Variants in ERBIN observed in about 807,000 individuals in gnomAD.
The protein encoded by ERBIN is erbb2 interacting protein.
A neutral mutation model predicts 158.4 loss-of-function variants in ERBIN; 60 were observed. The ratio of observed to expected loss-of-function variants is 0.38; its 90% CI spans 0.31 to 0.47. ERBIN has a LOEUF of 0.47. Ranked by LOEUF, ERBIN falls within the 20% of genes least tolerant of loss-of-function variation. ERBIN has a pLI of 0.99. For synonymous variants in ERBIN, 594 were observed against 557.2 expected (o/e 1.07, Z -0.93); for missense variants, 1,610 against 1,648.0 (o/e 0.98, Z 0.40).
intron 1 of ERBIN, among the ~76,000 whole-genome samples, chr5:65,956,852 G>A (rs2150941990): frequency 6.6e-6 from 1 of 152,230 alleles, no homozygotes; most frequent in South Asian, 2.1e-4. Flanking sequence ...TCCACTTGAA[G>A]ATGACATTGT....
At chr5:66,058,543 G>T (rs1759887108) in intron 21 of ERBIN, among the ~76,000 whole-genome samples, 1 of 151,114 alleles carries the variant, frequency 6.6e-6, no homozygotes, top group Non-Finnish European at 1.5e-5. Flanking sequence ...AGTTTAATTA[G>T]ATCCCATTTG....
intron 20 of ERBIN, among the ~76,000 whole-genome samples, chr5:66,053,135 T>C (rs565766968): frequency 6.6e-6 from 1 of 152,274 alleles, no homozygotes; most frequent in East Asian, 1.9e-4. Context: ...TTAAATTATT[T>C]TGTGACAAAT....
At position 65,926,704 on chromosome 5, in the gene ERBIN, C is replaced by G. The variant is rs1019954750; in HGVS notation, c.-160C>G. On this transcript the variant is annotated 5_prime_UTR_variant, in exon 1 of 26. Transcript: ENST00000284037. ...AGGCCAGTCCACATCCGCTCTCACC[C>G]GAGAGAGATATTCAGCTGGATCCAA... 1.3e-5 allele frequency: 2 copies of G among 152,032 alleles called. No homozygotes were observed. The highest frequency in any genetic ancestry group is 1.9e-4 in the East Asian group (1 of 5,158). 9.4% of individuals were successfully genotyped at this position (152,032 alleles called of 1,614,324 possible). A position where few individuals can be genotyped will look rare whatever the true frequency, so the allele number is the denominator to read the frequency against.
chr5:66,023,040 T>C, intron 8 of ERBIN: 1 of 325,618 alleles, frequency 3.1e-6, no homozygotes, highest in Non-Finnish European at 5.5e-6. Context: ...TTTTTTGTAA[T>C]CTACTGCTAT....
chr5:66,023,163 C>A, intron 8 of ERBIN, 127 bp from the exon 9 acceptor site: 1 of 685,842 alleles, frequency 1.5e-6, no homozygotes, highest in East Asian at 2.8e-5. Context: ...TTTTCCTTCT[C>A]CCTGCTCCTT....
chr5:65,991,466 A>G (rs1751861392), intron 2 of ERBIN, among the ~76,000 whole-genome samples: 1 of 152,200 alleles, frequency 6.6e-6, no homozygotes, highest in African/African-American at 2.4e-5. Flanking sequence ...AAGAATTGAT[A>G]ACACTAATTA....
intron 14 of ERBIN, among the ~76,000 whole-genome samples, chr5:66,036,342 A>G (rs1757394417): frequency 6.6e-6 from 1 of 152,078 alleles, no homozygotes; most frequent in Non-Finnish European, 1.5e-5. Context: ...TCTTTATGTC[A>G]TATGCCTCAA....
chr5:65,946,967 T>C (rs182757351), intron 1 of ERBIN, among the ~76,000 whole-genome samples: 2 of 152,176 alleles, frequency 1.3e-5, no homozygotes, highest in Non-Finnish European at 2.9e-5. Context: ...ATTTTTTTTT[T>C]GTAAGTATTG....
chr5:66,070,835 AT>A (rs1253327975), intron 21 of ERBIN, among the ~76,000 whole-genome samples: 1 of 152,190 alleles, frequency 6.6e-6, no homozygotes, highest in Non-Finnish European at 1.5e-5. Flanking sequence ...TTAACTCTAT[AT>A]GTATGCTGTA....
chr5:65,999,613 ATTTAG>A, intron 4 of ERBIN, among the ~76,000 whole-genome samples: 1 of 152,232 alleles, frequency 6.6e-6, no homozygotes, highest in Admixed American at 6.5e-5. Context: ...CATGTACAGC[ATTTAG>A]TTGTTGTGTC....
At chr5:65,946,460 T>C (rs1745760230) in intron 1 of ERBIN, among the ~76,000 whole-genome samples, 1 of 152,224 alleles carries the variant, frequency 6.6e-6, no homozygotes, top group Non-Finnish European at 1.5e-5. Flanking sequence ...TTGTTGCTTA[T>C]AGCTATAATT....
At chr5:66,056,312 A>G (rs1010590875) in intron 21 of ERBIN, among the ~76,000 whole-genome samples, 5 of 152,208 alleles carry the variant, frequency 3.3e-5, no homozygotes, top group African/African-American at 1.2e-4. Flanking sequence ...GAAAAGGGAT[A>G]AAGCTTGAGA....
intron 1 of ERBIN, among the ~76,000 whole-genome samples, chr5:65,950,839 T>C (rs1561285677): frequency 6.6e-6 from 1 of 152,200 alleles, no homozygotes; most frequent in Non-Finnish European, 1.5e-5. Context: ...GGTATGTCAT[T>C]GGCATATGAA....
chr5:65,972,968 C>T (rs1365778603), intron 1 of ERBIN, among the ~76,000 whole-genome samples: 1 of 151,094 alleles, frequency 6.6e-6, no homozygotes, highest in Non-Finnish European at 1.5e-5. Context: ...CCTTTTGGTT[C>T]TTTTATTTCT....
intron 16 of ERBIN, among the ~76,000 whole-genome samples, chr5:66,043,707 T>G (rs966155885): frequency 1.3e-5 from 2 of 152,166 alleles, no homozygotes; most frequent in Non-Finnish European, 2.9e-5. Context: ...TATTTGCCCC[T>G]TATACAAACT....
At chr5:65,982,639 T>G (rs1278667320) in intron 1 of ERBIN, among the ~76,000 whole-genome samples, 1 of 150,550 alleles carries the variant, frequency 6.6e-6, no homozygotes, top group South Asian at 2.1e-4. Flanking sequence ...AAATGCAAAA[T>G]AAAAACCAGA....
At chr5:66,070,985 A>G (rs1376187966) in intron 21 of ERBIN, among the ~76,000 whole-genome samples, 1 of 152,148 alleles carries the variant, frequency 6.6e-6, no homozygotes, top group African/African-American at 2.4e-5. Flanking sequence ...TCTAAAATAT[A>G]TATAGGGATG....
intron 1 of ERBIN, among the ~76,000 whole-genome samples, chr5:65,937,834 G>A (rs557957844): frequency 1.3e-5 from 2 of 152,160 alleles, no homozygotes; most frequent in African/African-American, 2.4e-5. Flanking sequence ...GCATGAACCC[G>A]GGAGGCGGAG....
At position 66,081,297 on chromosome 5, in the gene ERBIN, C is replaced by A. The variant is rs1762373422; in HGVS notation, c.*2767C>A. The A allele has an allele frequency of 6.6e-6, 1 of 151,868 alleles. No homozygotes were observed. The highest frequency in any genetic ancestry group is 1.5e-5 in the Non-Finnish European group (1 of 67,862). 9.4% of individuals were successfully genotyped at this position (151,868 alleles called of 1,614,324 possible). On this transcript the variant is annotated 3_prime_UTR_variant, in exon 26 of 26. Transcript: ENST00000284037. Reference sequence around the variant, plus strand: ...TCTGAATCAATGAAATTCTAAAATTCCCTACATATTTATTTTGTAAATATT... The same window carrying A: ...TCTGAATCAATGAAATTCTAAAATTACCTACATATTTATTTTGTAAATATT...
Sources: gnomAD v4.1 joint callset for allele counts (sites outside exome capture counted in the v4.1 genomes callset) on GRCh38, gnomAD v4.1.1 for gene constraint, MANE v1.5 for transcripts, NCBI Gene and HGNC (gene_info 2026-07-23, HGNC 2026-07-21) for gene names.